The following ZFHX3 variants were observed in gnomAD, a reference collection of about 807,000 sequenced individuals.
ZFHX3 encodes the protein zinc finger homeobox 3.
In ZFHX3, 42 loss-of-function variants were observed where a neutral mutation model predicts 279.1. That is an observed-to-expected ratio of 0.15 (90% CI 0.12 to 0.19). ZFHX3 has a LOEUF of 0.19. ZFHX3 is among the 10% of genes least tolerant of loss of function. The probability of loss-of-function intolerance (pLI) is 1.00; values close to 1 mark genes in which losing one functional copy is unlikely to be tolerated. For missense variants in ZFHX3, 4,981 were observed against 4,754.0 expected (o/e 1.05, Z -1.40); for synonymous variants, 2,293 against 1,957.8 (o/e 1.17, Z -4.52).
At chr16:72,788,884 T>C (rs1253476485) in intron 9 of ZFHX3, 36 bp from the exon 10 acceptor site, 2 of 1,513,082 alleles carry the variant, frequency 1.3e-6, no homozygotes, top group African/African-American at 1.4e-5. Context: ...CCGGTCAGTC[T>C]GGGCAGGGGT....
chr16:73,145,536 T>C (rs566274475), intron 5 of ZFHX3, among the ~76,000 whole-genome samples: 31 of 152,318 alleles, frequency 2.0e-4, no homozygotes, highest in Non-Finnish European at 4.0e-4. Flanking sequence ...GACTGTTTGA[T>C]TGTTGATGGA....
intron 3 of ZFHX3, among the ~76,000 whole-genome samples, chr16:73,367,387 G>T (rs976084366): frequency 6.6e-6 from 1 of 152,118 alleles, no homozygotes; most frequent in Non-Finnish European, 1.5e-5. Context: ...ATAAAGAAAA[G>T]AAAAATAACC....
intron 1 of ZFHX3, among the ~76,000 whole-genome samples, chr16:73,786,495 T>C (rs891242053): frequency 1.3e-5 from 2 of 152,200 alleles, no homozygotes; most frequent in African/African-American, 4.8e-5. Context: ...GCTGACAGTA[T>C]CTGTACATCT....
intron 2 of ZFHX3, among the ~76,000 whole-genome samples, chr16:73,483,594 C>T (rs955238979): frequency 6.6e-6 from 1 of 151,090 alleles, no homozygotes; most frequent in Non-Finnish European, 1.5e-5. Flanking sequence ...CCCTGGAAGA[C>T]GAGAACAAGA....
chr16:72,829,723 G>A, intron 5 of ZFHX3, 56 bp downstream of exon 5: 1 of 1,587,176 alleles, frequency 6.3e-7, no homozygotes, highest in Non-Finnish European at 8.6e-7. Flanking sequence ...GGAAAGATGA[G>A]AAGGCTCAAG....
At chr16:73,351,642 C>T (rs116574245) in intron 3 of ZFHX3, among the ~76,000 whole-genome samples, 2,403 of 152,316 alleles carry the variant, frequency 0.016, 26 homozygotes, top group African/African-American at 0.035. Flanking sequence ...AATATCAAGT[C>T]CTGGCTGTTT....
At chr16:73,214,017 A>G (rs115822430) in intron 5 of ZFHX3, among the ~76,000 whole-genome samples, 2,701 of 152,270 alleles carry the variant, frequency 0.018, 78 homozygotes, top group African/African-American at 0.06. Flanking sequence ...TGTTTGATAC[A>G]CCTCATTAAA....
At chr16:73,650,968 A>G (rs2052664826) in intron 2 of ZFHX3, among the ~76,000 whole-genome samples, 1 of 152,228 alleles carries the variant, frequency 6.6e-6, no homozygotes, top group African/African-American at 2.4e-5. Flanking sequence ...CACATAAATT[A>G]TAAGGCACAG....
chr16:73,045,813 G>A (rs1965277395), intron 1 of ZFHX3, among the ~76,000 whole-genome samples: 1 of 147,544 alleles, frequency 6.8e-6, no homozygotes, highest in South Asian at 2.1e-4. Flanking sequence ...AGTGGGGGGG[G>A]GTTGTTGAGA....
intron 2 of ZFHX3, among the ~76,000 whole-genome samples, chr16:73,507,485 CTTTTTTTTTTTT>C (rs752001880): frequency 3.8e-5 from 3 of 79,788 alleles, no homozygotes; most frequent in East Asian, 5.8e-4. Flanking sequence ...AGCTCTGCCA[CTTTTTTTTTTTT>C]TTTTTTTTTT....
chr16:73,655,748 A>T (rs2052715863), intron 2 of ZFHX3, among the ~76,000 whole-genome samples: 1 of 152,142 alleles, frequency 6.6e-6, no homozygotes, highest in South Asian at 2.1e-4. Context: ...AGGAATTCTA[A>T]AACACTTCTA....
intron 5 of ZFHX3, among the ~76,000 whole-genome samples, chr16:73,146,640 T>G (rs1290451237): frequency 6.6e-6 from 1 of 151,874 alleles, no homozygotes; most frequent in Non-Finnish European, 1.5e-5. Flanking sequence ...TTAAACTCTT[T>G]TCTTTCTTTT....
chr16:73,254,901 C>T (rs78643201), intron 5 of ZFHX3, among the ~76,000 whole-genome samples: 2 of 151,972 alleles, frequency 1.3e-5, no homozygotes, highest in Admixed American at 6.6e-5. Context: ...TTTATCTATC[C>T]ATCCATCCAT....
At chr16:73,725,494 C>T (rs1482859864) in intron 1 of ZFHX3, among the ~76,000 whole-genome samples, 2 of 151,656 alleles carry the variant, frequency 1.3e-5, no homozygotes, top group Non-Finnish European at 2.9e-5. Context: ...CCCAAAGAGA[C>T]AGGGGTCTTA....
rs2036988845 is a variant in ZFHX3, at chr16:72,828,609, C to T, written c.3529+1170G>A. 2.0e-5 allele frequency among the ~76,000 whole-genome samples: 3 copies of T among 152,182 alleles called. No individual in the cohort carries two copies. In the South Asian group the frequency reaches 6.2e-4, roughly 31 times the overall value. On this transcript the variant is annotated intron_variant, in intron 5 of 9. Coordinates refer to ENST00000268489, the MANE Select transcript of ZFHX3 (RefSeq NM_006885.4). ...TGCTCACCCTGGGGGAGGGGGAGGA[C>T]AGGAAGAATATGCAGGGCAGGCACC...
intron 5 of ZFHX3, among the ~76,000 whole-genome samples, chr16:73,181,150 G>A (rs1597207112): frequency 6.6e-6 from 1 of 151,756 alleles, no homozygotes; most frequent in East Asian, 2.0e-4. Flanking sequence ...TGCCAGGCTG[G>A]AGTGCAGTGG....
At chr16:73,375,017 C>A (rs2016698392) in intron 3 of ZFHX3, among the ~76,000 whole-genome samples, 1 of 152,156 alleles carries the variant, frequency 6.6e-6, no homozygotes, top group African/African-American at 2.4e-5. Context: ...TCCGTTAATT[C>A]TTTAAGGTTC....
At chr16:73,679,947 T>C (rs1268488897) in intron 2 of ZFHX3, 2 of 152,216 alleles carry the variant, frequency 1.3e-5, no homozygotes, top group African/African-American at 2.4e-5. Context: ...GTGCAGAGGA[T>C]ATCAGAGCTG....
chr16:73,228,494 C>A (rs746668857), intron 5 of ZFHX3, among the ~76,000 whole-genome samples: 14 of 152,164 alleles, frequency 9.2e-5, no homozygotes, highest in Non-Finnish European at 1.6e-4. Flanking sequence ...GAAACCTCAT[C>A]TCTACGAAAA....
Sources: gnomAD v4.1 joint callset for allele counts (sites outside exome capture counted in the v4.1 genomes callset) on GRCh38, gnomAD v4.1.1 for gene constraint, MANE v1.5 for transcripts, NCBI Gene and HGNC (gene_info 2026-07-23, HGNC 2026-07-21) for gene names.